The following PDE1B variants were observed in gnomAD, a reference collection of about 807,000 sequenced individuals.
The protein encoded by PDE1B is dual specificity calcium/calmodulin-dependent 3',5'-cyclic nucleotide phosphodiesterase 1B.
PDE1B carries 13 observed loss-of-function variants against 66.7 expected under a neutral mutation model. The ratio of observed to expected loss-of-function variants is 0.19; its 90% CI spans 0.13 to 0.31. The LOEUF (loss-of-function observed/expected upper bound fraction) is 0.31. PDE1B is among the 10% of genes least tolerant of loss of function. The pLI is 1.00. For missense variants in PDE1B, 485 were observed against 682.3 expected (o/e 0.71, Z 3.22); for synonymous variants, 230 against 253.9 (o/e 0.91, Z 0.90).
At position 54,575,977 on chromosome 12, in the gene PDE1B, G is replaced by C; in HGVS notation, c.1268-15G>C. On this transcript the variant is annotated splice_polypyrimidine_tract_variant and intron_variant, in intron 12 of 15. Transcript: ENST00000243052. This position sits in a 1 kb window ranked among gnomAD's most constrained non-coding sequence, Gnocchi z 4.0. ...AATAGTAAGACATCTCTACGGCATT[G>C]CTCCTCCACTGCAGGGTTCATCGAC... 1 of 1,557,354 alleles carries C rather than the reference G, an allele frequency of 6.4e-7. No individual in the cohort carries two copies. Among genetic ancestry groups the C allele is most frequent in the Non-Finnish European group, 8.9e-7 (1 of 1,128,360 alleles).
intron 2 of PDE1B, among the ~76,000 whole-genome samples, chr12:54,558,750 A>T (rs1957370642): frequency 6.6e-6 from 1 of 152,208 alleles, no homozygotes; most frequent in Non-Finnish European, 1.5e-5. Flanking sequence ...GTGCCATCTG[A>T]GGCCTGGATG....
chr12:54,568,012 C>T (rs919830116), intron 3 of PDE1B, among the ~76,000 whole-genome samples: 1 of 152,128 alleles, frequency 6.6e-6, no homozygotes, highest in Non-Finnish European at 1.5e-5. Context: ...TGTGCCACTA[C>T]GCCCAGCTAA....
rs780796705 is a variant in PDE1B, at chr12:54,578,629, G to C, written c.*787G>C. 6.6e-6 allele frequency: 1 copy of C among 152,210 alleles called. No individual in the cohort carries two copies. The highest frequency in any genetic ancestry group is 6.5e-5 in the Admixed American group (1 of 15,276). 9.4% of individuals were successfully genotyped at this position (152,210 alleles called of 1,614,324 possible). On this transcript the variant is annotated 3_prime_UTR_variant, in exon 16 of 16. Transcript: ENST00000243052. ...GCTTGTCGCCTGCCCTGAGTCCGGA[G>C]CCCTTTGCCTCCTTCCTCTCCCCTG...
intron 2 of PDE1B, among the ~76,000 whole-genome samples, chr12:54,558,262 A>C (rs1957365661): frequency 6.8e-6 from 1 of 147,004 alleles, no homozygotes; most frequent in African/African-American, 2.5e-5. Context: ...CCTTTTCCTC[A>C]TCTCCCTTCA....
chr12:54,561,360 G>T (rs1203729160), intron 2 of PDE1B: 1 of 717,150 alleles, frequency 1.4e-6, no homozygotes, highest in Non-Finnish European at 1.9e-6. Flanking sequence ...AACTTTTCCC[G>T]CAGCCTCCCC....
chr12:54,574,574 T>C (rs1420771047), intron 10 of PDE1B: 1 of 152,562 alleles, frequency 6.6e-6, no homozygotes, highest in African/African-American at 2.4e-5. Context: ...CCTTTGATTC[T>C]AAGAGCCTGG....
At position 54,569,482 on chromosome 12, in the gene PDE1B, C is replaced by T; in HGVS notation, c.411-64C>T. ...ATCCCATGGCTCATCCCCACATCCC[C>T]AGCTGGCCACACCTCCACTCCCAGA... On this transcript the variant is annotated intron_variant, in intron 4 of 15. Transcript: ENST00000243052. This position sits in a 1 kb window ranked among gnomAD's most constrained non-coding sequence, Gnocchi z 4.4. 6.3e-7 allele frequency: 1 copy of T among 1,582,334 alleles called. No individual in the cohort carries two copies. The highest frequency in any genetic ancestry group is 8.7e-7 in the Non-Finnish European group (1 of 1,151,706).
At chr12:54,550,280 T>A in intron 2 of PDE1B, 1 of 1,223,316 alleles carries the variant, frequency 8.2e-7, no homozygotes, top group African/African-American at 1.5e-5. Context: ...ATATGCAGTG[T>A]GGCAGGGCTG....
At position 54,575,942 on chromosome 12, in the gene PDE1B, C is replaced by A. The variant is rs754943234; in HGVS notation, c.1268-50C>A. The A allele has an allele frequency of 1.5e-5, 19 of 1,301,624 alleles. No individual in the cohort carries two copies. In the South Asian group the frequency reaches 2.1e-4, roughly 15 times the overall value. 80.6% of individuals were successfully genotyped at this position (1,301,624 alleles called of 1,614,324 possible). A position where few individuals can be genotyped will look rare whatever the true frequency, so the allele number is the denominator to read the frequency against. ...CATGCCAGCTGCATGCTCTGCCTAGCCCTCCAGATAATAGTAAGACATCTC... is the reference window on the plus strand; with the variant it reads ...CATGCCAGCTGCATGCTCTGCCTAGACCTCCAGATAATAGTAAGACATCTC... On this transcript the variant is annotated intron_variant, in intron 12 of 15. Coordinates refer to ENST00000243052, the MANE Select transcript of PDE1B (RefSeq NM_000924.4). The surrounding 1 kb of genome is among the most constrained non-coding windows in gnomAD (Gnocchi z 4.0).
chr12:54,562,120 C>T (rs1342791462), intron 2 of PDE1B, among the ~76,000 whole-genome samples: 1 of 152,188 alleles, frequency 6.6e-6, no homozygotes, highest in Admixed American at 6.5e-5. Flanking sequence ...CCTTCTCTGG[C>T]TTCCCTGTCC....
intron 13 of PDE1B, 161 bp downstream of exon 13, chr12:54,576,261 G>A: frequency 1.6e-6 from 1 of 638,844 alleles, no homozygotes; most frequent in Non-Finnish European, 2.9e-6. Context: ...CAGAAGGATG[G>A]GATCAGAAGG....
At chr12:54,563,524 A>C (rs1957458227) in intron 2 of PDE1B, among the ~76,000 whole-genome samples, 1 of 152,190 alleles carries the variant, frequency 6.6e-6, no homozygotes, top group Non-Finnish European at 1.5e-5. Context: ...GGAGCTTCCT[A>C]ATTACCAGCC....
rs1957412634 is a variant in PDE1B, at chr12:54,561,597, G to A, written c.114-5377G>A. 5 of 1,533,190 alleles carry A rather than the reference G, an allele frequency of 3.3e-6. No homozygotes were observed. The East Asian group carries it at 1.2e-4, about 38-fold the overall frequency. The allele number at this position is 1,533,190 out of a possible 1,614,324, so 95.0% of individuals were successfully genotyped here. A position where few individuals can be genotyped will look rare whatever the true frequency, so the allele number is the denominator to read the frequency against. ...AACTTTGATTCCCATGGCAAACCCT[G>A]TTCCTGTTCAGAGGAGCCACCTCCA... is the stretch of plus-strand genomic sequence containing the variant. On this transcript the variant is annotated intron_variant, in intron 2 of 15. Coordinates refer to ENST00000243052, the MANE Select transcript of PDE1B (RefSeq NM_000924.4).
In PDE1B at chr12:54,569,044, TAGAG is replaced by T; in HGVS notation, c.228-138_228-135del. 3 of 1,382,144 alleles carry T rather than the reference TAGAG, an allele frequency of 2.2e-6. No individual in the cohort carries two copies. The highest frequency in any genetic ancestry group is 2.9e-6 in the Non-Finnish European group (3 of 1,036,660). 85.6% of individuals were successfully genotyped at this position (1,382,144 alleles called of 1,614,324 possible). ...TGTTAGATAAAGAAATAAAAAGATA[TAGAG>T]AAAGAAAGGAAACAGGGTTGAAGAC... On this transcript the variant is annotated intron_variant, in intron 3 of 15. Coordinates refer to ENST00000243052, the MANE Select transcript of PDE1B (RefSeq NM_000924.4). The surrounding 1 kb of genome is among the most constrained non-coding windows in gnomAD (Gnocchi z 4.4).
intron 2 of PDE1B, among the ~76,000 whole-genome samples, chr12:54,564,184 C>G (rs979561197): frequency 6.6e-6 from 1 of 152,046 alleles, no homozygotes; most frequent in African/African-American, 2.4e-5. Flanking sequence ...AATAACACCC[C>G]CCACACCCAT....
chr12:54,576,805 C>A, intron 14 of PDE1B, 104 bp downstream of exon 14: 2 of 1,273,878 alleles, frequency 1.6e-6, no homozygotes, highest in South Asian at 1.4e-5. Flanking sequence ...CTTTGCCGGA[C>A]TCCTTGATTT....
chr12:54,560,677 T>C (rs1957394690), intron 2 of PDE1B, among the ~76,000 whole-genome samples: 1 of 152,216 alleles, frequency 6.6e-6, no homozygotes, highest in African/African-American at 2.4e-5. Flanking sequence ...AAGCAAAGTC[T>C]GAAGGCGGGA....
chr12:54,558,885 C>T (rs1476553557), intron 2 of PDE1B, among the ~76,000 whole-genome samples: 4 of 152,170 alleles, frequency 2.6e-5, no homozygotes. Flanking sequence ...TCATGTATCA[C>T]TTTAGGGTTC....
chr12:54,563,561 C>T (rs939649977), intron 2 of PDE1B, among the ~76,000 whole-genome samples: 2 of 152,176 alleles, frequency 1.3e-5, no homozygotes, highest in South Asian at 4.1e-4. Context: ...CAGTCTTCTC[C>T]ATCTGGACTT....
Sources: allele counts gnomAD v4.1 joint callset (sites outside exome capture counted in the v4.1 genomes callset), GRCh38; gene constraint gnomAD v4.1.1; non-coding constraint Gnocchi (gnomAD v3.1); transcripts MANE v1.5; gene names NCBI Gene and HGNC (gene_info 2026-07-23, HGNC 2026-07-21).